The following CWF19L2 variants were observed in gnomAD, a reference collection of about 807,000 sequenced individuals.
CWF19L2 encodes the protein CWF19 like cell cycle control factor 2, also known as CWF19-like protein 2.
CWF19L2 carries 98 observed loss-of-function variants against 111.7 expected under a neutral mutation model. The observed-to-expected ratio is 0.88, with a 90% CI of 0.75 to 1.04. The LOEUF (loss-of-function observed/expected upper bound fraction) is 1.04, where lower values mean the gene tolerates loss of function less well. Ranked by LOEUF, CWF19L2 falls within the 50% of genes least tolerant of loss-of-function variation. The pLI is 0.00. For synonymous variants in CWF19L2, 351 were observed against 342.9 expected, an observed-to-expected ratio of 1.02 and a Z score of -0.26; for missense variants, 1,101 against 1,051.4, an observed-to-expected ratio of 1.05 and a Z score of -0.65.
chr11:107,388,600 T>G (rs1203609203), intron 12 of CWF19L2, among the ~76,000 whole-genome samples: 1 of 152,152 alleles, frequency 6.6e-6, no homozygotes, highest in Non-Finnish European at 1.5e-5. Flanking sequence ...CAGGCTGGTC[T>G]CGAACTCCTG....
At chr11:107,362,129 G>A (rs1002936382) in intron 12 of CWF19L2, among the ~76,000 whole-genome samples, 18 of 152,146 alleles carry the variant, frequency 1.2e-4, no homozygotes, top group African/African-American at 1.7e-4. Context: ...CTTAAAAAAC[G>A]GCACACTACG....
chr11:107,430,579 A>G (rs1432874343), intron 7 of CWF19L2, among the ~76,000 whole-genome samples: 1 of 152,122 alleles, frequency 6.6e-6, no homozygotes, highest in Non-Finnish European at 1.5e-5. Flanking sequence ...TGAAAAAAAG[A>G]ACAGATGCTA....
chr11:107,396,778 C>T (rs1415038079), intron 10 of CWF19L2, among the ~76,000 whole-genome samples: 1 of 152,108 alleles, frequency 6.6e-6, no homozygotes, highest in Non-Finnish European at 1.5e-5. Context: ...CGAGAGGACC[C>T]ACAGACCCTC....
intron 10 of CWF19L2, among the ~76,000 whole-genome samples, chr11:107,402,873 GTATATATATA>G (rs145828149): frequency 0.014 from 1,358 of 94,334 alleles, 99 homozygotes; most frequent in East Asian, 0.031. Flanking sequence ...ACTGTGGTGT[GTATATATATA>G]TATATATATA....
At chr11:107,436,142 G>A (rs1457906122) in intron 6 of CWF19L2, among the ~76,000 whole-genome samples, 1 of 144,568 alleles carries the variant, frequency 6.9e-6, no homozygotes, top group Non-Finnish European at 1.5e-5. Context: ...GACAGAGCGA[G>A]ACTCCACACG....
At chr11:107,416,853 A>G (rs1377238725) in intron 9 of CWF19L2, among the ~76,000 whole-genome samples, 1 of 152,224 alleles carries the variant, frequency 6.6e-6, no homozygotes, top group Non-Finnish European at 1.5e-5. Flanking sequence ...TTCTTCTTGA[A>G]CACAAGAACA....
At chr11:107,404,139 A>C (rs1166265357) in intron 10 of CWF19L2, 5 of 775,610 alleles carry the variant, frequency 6.4e-6, no homozygotes, top group Non-Finnish European at 1.2e-5. Context: ...CTTCCTCTAA[A>C]GCAGCTTCTG....
intron 6 of CWF19L2, among the ~76,000 whole-genome samples, chr11:107,438,129 T>C (rs1300297085): frequency 1.3e-5 from 2 of 152,100 alleles, no homozygotes; most frequent in Non-Finnish European, 2.9e-5. Context: ...TTTTAACAAA[T>C]AACCAAAATA....
chr11:107,404,316 T>G, intron 10 of CWF19L2: 1 of 788,030 alleles, frequency 1.3e-6, no homozygotes, highest in Non-Finnish European at 2.4e-6. Context: ...TCCCACAACT[T>G]TAGGTCAGGG....
At position 107,404,324 on chromosome 11, in the gene CWF19L2, G is replaced by A. The variant is rs1030430264; in HGVS notation, c.1618-11429C>T. ...GCCAGTCTCCCACAACTTTAGGTCAGGGTTGGAAGCCTTTACTTGGTCCCA... is the reference window on the plus strand; with the variant it reads ...GCCAGTCTCCCACAACTTTAGGTCAAGGTTGGAAGCCTTTACTTGGTCCCA... On this transcript the variant is annotated intron_variant, in intron 10 of 17. Transcript: ENST00000282251. The A allele has an allele frequency of 1.0e-5, 8 of 788,440 alleles. No individual in the cohort carries two copies. In the African/African-American group the frequency reaches 1.2e-4, roughly 12 times the overall value. 48.8% of individuals were successfully genotyped at this position (788,440 alleles called of 1,614,324 possible).
At chr11:107,362,763 C>A (rs553603181) in intron 12 of CWF19L2, among the ~76,000 whole-genome samples, 1 of 151,550 alleles carries the variant, frequency 6.6e-6, no homozygotes, top group East Asian at 1.9e-4. Flanking sequence ...AAACGCAGAG[C>A]GCCTCTCCTC....
At chr11:107,451,121 T>TA (rs1404874008) in intron 3 of CWF19L2, among the ~76,000 whole-genome samples, 1 of 151,956 alleles carries the variant, frequency 6.6e-6, no homozygotes, top group East Asian at 1.9e-4. Flanking sequence ...AAAAACTTTT[T>TA]AAAAACTGAA....
intron 10 of CWF19L2, among the ~76,000 whole-genome samples, chr11:107,406,638 A>G (rs1012820713): frequency 6.6e-6 from 1 of 150,380 alleles, no homozygotes; most frequent in African/African-American, 2.4e-5. Flanking sequence ...TAAATTCTCA[A>G]TTCTGTCCAT....
intron 10 of CWF19L2, among the ~76,000 whole-genome samples, chr11:107,402,444 G>A (rs969672195): frequency 5.4e-5 from 8 of 148,938 alleles, no homozygotes; most frequent in Non-Finnish European, 1.2e-4. Flanking sequence ...ATTCTCAAAA[G>A]GAGATATACA....
At chr11:107,336,508 T>C (rs1351367235) in intron 15 of CWF19L2, 50 bp downstream of exon 15, 14 of 1,380,782 alleles carry the variant, frequency 1.0e-5, no homozygotes, top group Non-Finnish European at 1.4e-5. Context: ...ATTTGTAAAA[T>C]AGCACTATAG....
At chr11:107,364,331 C>T (rs1160488910) in intron 12 of CWF19L2, among the ~76,000 whole-genome samples, 2,247 of 147,510 alleles carry the variant, frequency 0.015, 154 homozygotes, top group African/African-American at 0.055. Context: ...ACCTAATATA[C>T]ATCTACAGAA....
At chr11:107,375,662 G>T (rs1425817035) in intron 12 of CWF19L2, among the ~76,000 whole-genome samples, 3 of 129,246 alleles carry the variant, frequency 2.3e-5, no homozygotes, top group Non-Finnish European at 4.9e-5. Context: ...GCCCACAAGA[G>T]AAAGCAGGAA....
chr11:107,440,358 T>G (rs2098885343), intron 5 of CWF19L2, among the ~76,000 whole-genome samples: 1 of 152,238 alleles, frequency 6.6e-6, no homozygotes, highest in African/African-American at 2.4e-5. Context: ...AAAAGGGCTT[T>G]TTTAAATGTA....
At chr11:107,381,367 T>C (rs1242523833) in intron 12 of CWF19L2, among the ~76,000 whole-genome samples, 1 of 152,182 alleles carries the variant, frequency 6.6e-6, no homozygotes, top group African/African-American at 2.4e-5. Context: ...AAAACAAAAA[T>C]TATTTTGTTC....
Sources: allele counts gnomAD v4.1 joint callset (sites outside exome capture counted in the v4.1 genomes callset), GRCh38; gene constraint gnomAD v4.1.1; transcripts MANE v1.5; gene names NCBI Gene and HGNC (gene_info 2026-07-23, HGNC 2026-07-21).